Variants in HIVEP1 observed in about 807,000 individuals in gnomAD.
HIVEP1 encodes the protein HIVEP zinc finger 1, also known as zinc finger protein 40.
A neutral mutation model predicts 180.0 loss-of-function variants in HIVEP1; 36 were observed. That is an observed-to-expected ratio of 0.20 (90% CI 0.15 to 0.26). The LOEUF (loss-of-function observed/expected upper bound fraction) is 0.26, where lower values mean the gene tolerates loss of function less well. Among genes scored for constraint, HIVEP1 ranks in the 10% least tolerant of loss-of-function variants. The pLI is 1.00. For synonymous variants in HIVEP1, 1,239 were observed against 1,239.0 expected (o/e 1.00, Z 0.00); for missense variants, 3,143 against 3,268.7 (o/e 0.96, Z 0.94).
At chr6:12,176,928 G>A in the HIVEP1 span, among the ~76,000 whole-genome samples, 1 of 152,142 alleles carries the variant, frequency 6.6e-6, no homozygotes, top group African/African-American at 2.4e-5. Context: ...GCCCATCAGT[G>A]ACAGATTGTA....
downstream of HIVEP1, among the ~76,000 whole-genome samples, chr6:12,166,861 G>A (rs1344971895): frequency 6.6e-6 from 1 of 152,124 alleles, no homozygotes; most frequent in Non-Finnish European, 1.5e-5. Context: ...GTTTTAATGT[G>A]TAACAATTTC....
At chr6:12,116,765 A>G (rs772751249) in intron 3 of HIVEP1, among the ~76,000 whole-genome samples, 3 of 152,192 alleles carry the variant, frequency 2.0e-5, no homozygotes, top group African/African-American at 4.8e-5. Context: ...TGAGATCACC[A>G]TTCCCCATGA....
chr6:12,153,864 C>T (rs220024), intron 7 of HIVEP1, among the ~76,000 whole-genome samples: 110,929 of 152,034 alleles, frequency 0.73, 40,838 homozygotes, highest in African/African-American at 0.76. Flanking sequence ...GACCCTAGAG[C>T]GGGCTGGGTG....
rs1758656738 is a variant in HIVEP1, at chr6:12,135,585, G to C, written c.6386-206G>C. Among the ~76,000 whole-genome samples, 4 of 152,260 alleles carry C rather than the reference G, an allele frequency of 2.6e-5. No homozygotes were observed. In the South Asian group the frequency reaches 8.3e-4, roughly 32 times the overall value. On this transcript the variant is annotated intron_variant, in intron 6 of 8. Transcript: ENST00000379388. ...AGATGTTATCAAAGTAGAGGAGGCA[G>C]ATTTTAAAAAGAAAATATAAACTGA...
chr6:12,167,683 T>TATAATATATATACATATATACATATATGC (rs1562023788), downstream of HIVEP1, among the ~76,000 whole-genome samples: 3,955 of 103,936 alleles, frequency 0.038, 104 homozygotes, highest in Non-Finnish European at 0.051. Flanking sequence ...CATATATGTG[T>TATAATATATATACATATATACATATATGC]ATAATATATA....
rs145268421 is a variant in HIVEP1 at position 12,138,841 on chromosome 6, G to A, written c.6487+2949G>A. Among the ~76,000 whole-genome samples, 142 of 151,662 alleles carry A rather than the reference G, an allele frequency of 9.4e-4. No homozygotes were observed. In the Middle Eastern group the frequency reaches 0.02, roughly 22 times the overall value. ...AAGCACACTTCCCCCATAGTCTTCC[G>A]CCATCCTTCCATCTGCTTGGCCAAA... On this transcript the variant is annotated intron_variant, in intron 7 of 8. Coordinates refer to ENST00000379388, the MANE Select transcript of HIVEP1 (RefSeq NM_002114.4).
chr6:12,053,657 TA>T (rs780423669), intron 2 of HIVEP1, among the ~76,000 whole-genome samples: 4 of 151,914 alleles, frequency 2.6e-5, no homozygotes, highest in South Asian at 2.1e-4. Context: ...GGAGGTGGGA[TA>T]GGGGGATGCT....
Position 12,099,810 on chromosome 6 carries a change from C to T in HIVEP1, c.94+10573C>T, listed in dbSNP as rs543010145. ...TAACAGGCAGGATTTGTAAACAGTG[C>T]GTTATTATTGCTTTGATTTCTTAAG... On this transcript the variant is annotated intron_variant, in intron 3 of 8. Transcript: ENST00000379388. Among the ~76,000 whole-genome samples, 15 of 152,188 alleles carry T rather than the reference C, an allele frequency of 9.9e-5. No homozygotes were observed. In the South Asian group the frequency reaches 2.7e-3, roughly 27 times the overall value.
chr6:12,087,307 TGTAA>T (rs1314334855), intron 2 of HIVEP1, among the ~76,000 whole-genome samples: 1 of 152,148 alleles, frequency 6.6e-6, no homozygotes, highest in East Asian at 1.9e-4. Context: ...ACAGCTATTC[TGTAA>T]GTATTTGTTA....
the HIVEP1 span, among the ~76,000 whole-genome samples, chr6:12,195,926 T>C: frequency 1.3e-5 from 2 of 152,204 alleles, no homozygotes; most frequent in African/African-American, 2.4e-5. Context: ...TAACTATCCG[T>C]TCACCTTTGC....
intron 2 of HIVEP1, chr6:12,020,547 G>T: frequency 2.4e-6 from 1 of 417,952 alleles, no homozygotes. Context: ...TGGAATGGAG[G>T]AGTTGGTGAC....
At chr6:12,189,546 A>C in the HIVEP1 span, among the ~76,000 whole-genome samples, 1 of 152,198 alleles carries the variant, frequency 6.6e-6, no homozygotes. Context: ...CCTCATTCAT[A>C]AGTGAAATGT....
intron 2 of HIVEP1, among the ~76,000 whole-genome samples, chr6:12,074,931 C>A (rs1401934437): frequency 6.6e-6 from 1 of 152,092 alleles, no homozygotes; most frequent in East Asian, 1.9e-4. Flanking sequence ...AATATGTTAA[C>A]AGTGGCAAAT....
At position 12,125,374 on chromosome 6, in the gene HIVEP1, ACAT is replaced by A. The variant is rs758885274; in HGVS notation, c.5582_5584del (p.Ile1861del). On this transcript the variant is annotated inframe_deletion, in exon 4 of 9. Transcript: ENST00000379388. Reference sequence around the variant, plus strand: ...ATAAGTGAATTGCAGGAATTTGAAAACATCAAGTCATCCACATCATTAACTCTT... The same window carrying A: ...ATAAGTGAATTGCAGGAATTTGAAAACAAGTCATCCACATCATTAACTCTT... The A allele has an allele frequency of 5.0e-6, 8 of 1,614,014 alleles. No homozygotes were observed. Among genetic ancestry groups the A allele is most frequent in the Non-Finnish European group, 6.8e-6 (8 of 1,179,998 alleles).
intron 2 of HIVEP1, 47 bp from the exon 3 acceptor site, chr6:12,089,137 T>C (rs1773294046): frequency 9.3e-7 from 1 of 1,069,794 alleles, no homozygotes; most frequent in Non-Finnish European, 1.4e-6. Flanking sequence ...TGTACTCTTA[T>C]TTGTTTAAGG....
intron 2 of HIVEP1, among the ~76,000 whole-genome samples, chr6:12,018,127 G>A (rs768425249): frequency 2.3e-4 from 35 of 152,226 alleles, no homozygotes; most frequent in Non-Finnish European, 4.9e-4. Flanking sequence ...GGCACTGCTG[G>A]GGGACCTGGC....
the HIVEP1 span, among the ~76,000 whole-genome samples, chr6:12,200,359 A>G: frequency 3.3e-5 from 5 of 152,238 alleles, no homozygotes; most frequent in Admixed American, 6.5e-5. Flanking sequence ...ACTGCCCTGA[A>G]CTGCTACTAT....
chr6:12,041,421 A>G (rs1383420956), intron 2 of HIVEP1, among the ~76,000 whole-genome samples: 6 of 38,562 alleles, frequency 1.6e-4, no homozygotes, highest in African/African-American at 3.4e-4. Flanking sequence ...GACTCCGTCT[A>G]AAAAAAAAAA....
Position 12,161,723 on chromosome 6 carries a change from A to T in HIVEP1, c.6772A>T (p.Thr2258Ser), listed in dbSNP as rs746400345. The change falls in exon 8 of 9, where the codon ACT (threonine) becomes TCT (serine). Residue 2258 changes from threonine (T) to serine (S), a missense_variant. Physicochemically the swap from Thr to Ser is moderately conservative, Grantham distance 58 (BLOSUM62 1). Around this residue, in one of 12 missense-constraint regions of HIVEP1, gnomAD observed 595 missense variants for 602.2 expected, o/e 0.99. Transcript: ENST00000379388. ...GCCCAGGGCGCTGCTCACCAGAATG[A>T]CTGTCCTGAGCACAGCACAGTCTGA... is the stretch of plus-strand genomic sequence containing the variant. ...VLPRALLTRM[T>S]VLSTAQSDYN... The T allele has an allele frequency of 6.2e-7, 1 of 1,614,158 alleles. No individual in the cohort carries two copies. The highest frequency in any genetic ancestry group is 2.2e-5 in the East Asian group (1 of 44,862).
Sources: gnomAD v4.1 joint callset for allele counts (sites outside exome capture counted in the v4.1 genomes callset) on GRCh38, gnomAD v4.1.1 for gene constraint, gnomAD v4.1.1 regional missense constraint, MANE v1.5 for transcripts, NCBI Gene and HGNC (gene_info 2026-07-23, HGNC 2026-07-21) for gene names.